The following OPCML variants were observed in gnomAD, a reference collection of about 807,000 sequenced individuals.
OPCML encodes the protein opioid binding protein/cell adhesion molecule like.
A neutral mutation model predicts 37.8 loss-of-function variants in OPCML; 13 were observed. The observed-to-expected ratio is 0.34, with a 90% CI of 0.22 to 0.55. The LOEUF (loss-of-function observed/expected upper bound fraction) is 0.55. Among genes scored for constraint, OPCML ranks in the 20% least tolerant of loss-of-function variants. The probability of loss-of-function intolerance (pLI) is 0.91; values close to 1 mark genes in which losing one functional copy is unlikely to be tolerated. For synonymous variants in OPCML, 176 were observed against 168.8 expected, an observed-to-expected ratio of 1.04 and a Z score of -0.33; for missense variants, 341 against 435.6, an observed-to-expected ratio of 0.78 and a Z score of 1.93.
chr11:133,226,731 C>T (rs1210989791), intron 1 of OPCML, among the ~76,000 whole-genome samples: 1 of 152,174 alleles, frequency 6.6e-6, no homozygotes, highest in Non-Finnish European at 1.5e-5. Flanking sequence ...GAGGGAGCTT[C>T]AGAGGGCACA....
chr11:133,289,377 C>T (rs1011595479), intron 1 of OPCML, among the ~76,000 whole-genome samples: 4 of 151,708 alleles, frequency 2.6e-5, no homozygotes, highest in African/African-American at 7.3e-5. Context: ...GGGCGGATCA[C>T]GAGGTCAGGA....
At chr11:133,097,246 C>A (rs1300482530) in intron 1 of OPCML, among the ~76,000 whole-genome samples, 1 of 152,118 alleles carries the variant, frequency 6.6e-6, no homozygotes, top group Non-Finnish European at 1.5e-5. Flanking sequence ...ACGGGAAGAT[C>A]ACTGGAAAAA....
intron 2 of OPCML, among the ~76,000 whole-genome samples, chr11:132,851,747 A>G (rs1297635329): frequency 2.0e-5 from 3 of 152,230 alleles, no homozygotes; most frequent in Non-Finnish European, 2.9e-5. Flanking sequence ...AGAAGAGAAG[A>G]CTGAGATTCA....
rs577540191 is a variant in OPCML at position 133,169,860 on chromosome 11, A to AT, written c.62-226851dup. Among the ~76,000 whole-genome samples the AT allele has an allele frequency of 1.1e-3, 171 of 152,354 alleles. 2 individuals carry two copies. Among genetic ancestry groups the AT allele is most frequent in the African/African-American group, 3.9e-3 (164 of 41,572 alleles). ...GGAAAAAATCATATTATAATTTTAT[A>AT]TTTTGAAAGCCAAGTAAACATTTTA... On this transcript the variant is annotated intron_variant, in intron 1 of 7. Coordinates refer to ENST00000524381, the MANE Select transcript of OPCML (RefSeq NM_001012393.5).
intron 2 of OPCML, among the ~76,000 whole-genome samples, chr11:132,776,459 T>C (rs942131662): frequency 3.3e-5 from 5 of 152,160 alleles, no homozygotes; most frequent in Non-Finnish European, 5.9e-5. Context: ...TGGGGGCTGA[T>C]TGGATCATGG....
At chr11:132,674,058 G>A (rs185941288) in intron 2 of OPCML, among the ~76,000 whole-genome samples, 1 of 152,180 alleles carries the variant, frequency 6.6e-6, no homozygotes, top group African/African-American at 2.4e-5. Context: ...GCTCTTCAAA[G>A]TGTTTAGATA....
At chr11:133,523,868 CA>C (rs1948439472) in intron 1 of OPCML, among the ~76,000 whole-genome samples, 1 of 152,178 alleles carries the variant, frequency 6.6e-6, no homozygotes, top group Non-Finnish European at 1.5e-5. Context: ...AATCTCTGTT[CA>C]ATTGTCACTT....
intron 2 of OPCML, among the ~76,000 whole-genome samples, chr11:132,824,292 T>C (rs1292335235): frequency 4.6e-5 from 7 of 152,180 alleles, no homozygotes; most frequent in African/African-American, 1.4e-4. Context: ...CCATTGATAT[T>C]TCGCTCTTTC....
At chr11:132,543,250 A>G (rs1469243984) in intron 3 of OPCML, among the ~76,000 whole-genome samples, 1 of 152,206 alleles carries the variant, frequency 6.6e-6, no homozygotes, top group Non-Finnish European at 1.5e-5. Flanking sequence ...GGTGGCTCAC[A>G]CATGTAATCC....
In OPCML at chr11:133,211,765, C is replaced by A. The variant is rs1466481088; in HGVS notation, c.62-268755G>T. 2.6e-5 allele frequency among the ~76,000 whole-genome samples: 4 copies of A among 152,210 alleles called. No homozygotes were observed. Among genetic ancestry groups the A allele is most frequent in the African/African-American group, 9.6e-5 (4 of 41,452 alleles). Reference sequence around the variant, plus strand: ...ATTTATTATACCATCACCATTATCACAACACGCTTTTCACAATTTTTTTAA... The same window carrying A: ...ATTTATTATACCATCACCATTATCAAAACACGCTTTTCACAATTTTTTTAA... On this transcript the variant is annotated intron_variant, in intron 1 of 7. Transcript: ENST00000524381. The surrounding 1 kb of genome is among the most constrained non-coding windows in gnomAD (Gnocchi z 4.1).
At chr11:133,083,486 C>T (rs972930433) in intron 1 of OPCML, among the ~76,000 whole-genome samples, 6 of 152,208 alleles carry the variant, frequency 3.9e-5, no homozygotes, top group Admixed American at 6.5e-5. Context: ...CCAGGCAGGG[C>T]CCCGGAAGGC....
intron 1 of OPCML, among the ~76,000 whole-genome samples, chr11:132,996,054 T>C (rs1010093168): frequency 8.5e-5 from 13 of 152,130 alleles, no homozygotes; most frequent in African/African-American, 3.1e-4. Flanking sequence ...TGGGTCTTGC[T>C]CGGCTCCCTG....
chr11:132,529,881 A>AT (rs1168273069), intron 3 of OPCML, among the ~76,000 whole-genome samples: 2 of 152,162 alleles, frequency 1.3e-5, no homozygotes, highest in African/African-American at 4.8e-5. Context: ...TCCAAATTGT[A>AT]TTTTTTAAAT....
At chr11:133,221,202 C>T (rs534715890) in intron 1 of OPCML, among the ~76,000 whole-genome samples, 3 of 152,284 alleles carry the variant, frequency 2.0e-5, no homozygotes, top group South Asian at 2.1e-4. Flanking sequence ...AGCCGGCCAC[C>T]GTGTGTGATG....
chr11:133,059,056 T>C (rs1948293259), intron 1 of OPCML, among the ~76,000 whole-genome samples: 1 of 152,196 alleles, frequency 6.6e-6, no homozygotes, highest in Admixed American at 6.5e-5. Context: ...ACAAATCAAA[T>C]TTTCCTCCAG....
chr11:133,054,801 A>C (rs1948193426), intron 1 of OPCML, among the ~76,000 whole-genome samples: 1 of 152,040 alleles, frequency 6.6e-6, no homozygotes, highest in Admixed American at 6.6e-5. Context: ...TTTACTATAC[A>C]ATGCTGCCTC....
chr11:132,738,542 C>A (rs1945331510), intron 2 of OPCML, among the ~76,000 whole-genome samples: 1 of 152,184 alleles, frequency 6.6e-6, no homozygotes, highest in Admixed American at 6.5e-5. Context: ...ACATGAAAGT[C>A]TGACCTTCTT....
Position 132,436,214 on chromosome 11 carries a change from A to G in OPCML, c.788T>C (p.Met263Thr). 1 of 1,614,218 alleles carries G rather than the reference A, an allele frequency of 6.2e-7. No homozygotes were observed. Among genetic ancestry groups the G allele is most frequent in the Non-Finnish European group, 8.5e-7 (1 of 1,180,038 alleles). ...ETRLATGLDGMRIENKGRMST... is the reference protein window; with the variant it reads ...ETRLATGLDGTRIENKGRMST... ...CATGCGGCCTTTGTTTTCAATCCTC[A>G]TTCCATCCAGACCAGTGGCTAACCT... is the stretch of plus-strand genomic sequence containing the variant. Residue 263 changes from methionine (M) to threonine (T), a missense_variant, in exon 7 of 8, where the codon ATG becomes ACG. Met to Thr is a moderately conservative substitution (Grantham distance 81). Transcript: ENST00000524381.
intron 1 of OPCML, among the ~76,000 whole-genome samples, chr11:133,528,888 C>T (rs1027763239): frequency 6.6e-6 from 1 of 152,136 alleles, no homozygotes; most frequent in South Asian, 2.1e-4. Flanking sequence ...AGGGGACAAA[C>T]AGGAAGTCAT....
Sources: gnomAD v4.1 joint callset for allele counts (sites outside exome capture counted in the v4.1 genomes callset) on GRCh38, gnomAD v4.1.1 for gene constraint, Gnocchi (gnomAD v3.1) non-coding constraint, MANE v1.5 for transcripts, NCBI Gene and HGNC (gene_info 2026-07-23, HGNC 2026-07-21) for gene names.